The following GRAMD1B variants were observed in gnomAD, a reference collection of about 807,000 sequenced individuals.
The protein encoded by GRAMD1B is GRAM domain containing 1B.
Under a neutral mutation model 99.7 loss-of-function variants are expected in GRAMD1B, and 37 were observed. The ratio of observed to expected loss-of-function variants is 0.37; its 90% CI spans 0.29 to 0.49. The LOEUF (loss-of-function observed/expected upper bound fraction) is 0.49, where lower values mean the gene tolerates loss of function less well. Ranked by LOEUF, GRAMD1B falls within the 20% of genes least tolerant of loss-of-function variation. The pLI, the probability that GRAMD1B is intolerant of heterozygous loss-of-function variation, is 0.98. For missense variants in GRAMD1B, 888 were observed against 1,009.2 expected (o/e 0.88, Z 1.63); for synonymous variants, 427 against 387.6 (o/e 1.10, Z -1.19).
At chr11:123,605,630 G>A (rs1365788564) in intron 10 of GRAMD1B, among the ~76,000 whole-genome samples, 152 bp downstream of exon 10, 1 of 152,204 alleles carries the variant, frequency 6.6e-6, no homozygotes, top group East Asian at 1.9e-4. Context: ...GAGCAGATGG[G>A]CTCTCCGTAT....
At chr11:123,526,054 T>G in intron 2 of GRAMD1B, 3 of 1,050,808 alleles carry the variant, frequency 2.9e-6, no homozygotes, top group Non-Finnish European at 4.4e-6. Flanking sequence ...TCTGTTCTTT[T>G]GGGACTTCGT....
chr11:123,460,609 G>GA (rs1166404424), intron 1 of GRAMD1B, among the ~76,000 whole-genome samples: 1 of 152,132 alleles, frequency 6.6e-6, no homozygotes, highest in Non-Finnish European at 1.5e-5. Flanking sequence ...CTTCCAATTG[G>GA]AAAAAACAAG....
intron 4 of GRAMD1B, 71 bp downstream of exon 4, chr11:123,584,403 G>GTGTGGGGTGCGATTGGGGGA (rs1249759554): frequency 2.1e-6 from 1 of 473,434 alleles, no homozygotes; most frequent in Non-Finnish European, 3.6e-6. Flanking sequence ...TGGGGGAAGG[G>GTGTGGGGTGCGATTGGGGGA]GTGTGGGGTG....
chr11:123,608,530 G>C, intron 11 of GRAMD1B, 129 bp from the exon 12 acceptor site: 1 of 1,542,922 alleles, frequency 6.5e-7, no homozygotes, highest in Non-Finnish European at 8.7e-7. Flanking sequence ...GTCCTGCTCC[G>C]TGTCCTCTCC....
chr11:123,589,248 G>T (rs1950378021), intron 4 of GRAMD1B, among the ~76,000 whole-genome samples: 3 of 151,796 alleles, frequency 2.0e-5, no homozygotes, highest in African/African-American at 7.3e-5. Flanking sequence ...TTGAGGCATA[G>T]ATCCTTCCTG....
At chr11:123,618,414 T>C in intron 17 of GRAMD1B, 2 of 1,528,242 alleles carry the variant, frequency 1.3e-6, no homozygotes, top group Non-Finnish European at 1.8e-6. Flanking sequence ...CCACCGTACC[T>C]CTCTTCCCCC....
intron 2 of GRAMD1B, among the ~76,000 whole-genome samples, chr11:123,504,220 G>A (rs1565306672): frequency 6.6e-6 from 1 of 152,144 alleles, no homozygotes; most frequent in Non-Finnish European, 1.5e-5. Flanking sequence ...ACTGGTCCCC[G>A]CCAAGGCCCT....
chr11:123,597,744 G>A (rs1411172439), intron 7 of GRAMD1B, among the ~76,000 whole-genome samples: 1 of 152,156 alleles, frequency 6.6e-6, no homozygotes, highest in Admixed American at 6.5e-5. Context: ...TTATTTTCTT[G>A]CAGAATCTTT....
chr11:123,466,362 G>A (rs1950663567), intron 1 of GRAMD1B, among the ~76,000 whole-genome samples: 2 of 65,092 alleles, frequency 3.1e-5, no homozygotes, highest in Non-Finnish European at 5.1e-5. Context: ...AAGAAGGAAG[G>A]AAGGAAAAAG....
intron 1 of GRAMD1B, among the ~76,000 whole-genome samples, chr11:123,472,722 C>T (rs1338110632): frequency 1.3e-5 from 2 of 152,166 alleles, no homozygotes; most frequent in Admixed American, 6.5e-5. Context: ...GTGACGTTTA[C>T]ATAGCCCAGG....
intron 3 of GRAMD1B, among the ~76,000 whole-genome samples, chr11:123,580,863 C>T (rs1015185398): frequency 9.9e-5 from 15 of 151,756 alleles, no homozygotes; most frequent in Non-Finnish European, 2.2e-4. Context: ...GTGCGGGCAT[C>T]GCGCTGGCGC....
chr11:123,608,393 C>A, intron 11 of GRAMD1B: 1 of 1,034,722 alleles, frequency 9.7e-7, no homozygotes. Context: ...AGTGTAAAAG[C>A]AAATCGTACA....
chr11:123,523,293 C>T (rs755619931), intron 2 of GRAMD1B, among the ~76,000 whole-genome samples: 3 of 152,200 alleles, frequency 2.0e-5, no homozygotes, highest in South Asian at 2.1e-4. Flanking sequence ...GATTGCACCA[C>T]GGCACTCCAG....
At chr11:123,384,287 C>T (rs1391397990) in intron 1 of GRAMD1B, among the ~76,000 whole-genome samples, 2 of 152,218 alleles carry the variant, frequency 1.3e-5, no homozygotes, top group African/African-American at 4.8e-5. Flanking sequence ...AAAATGATCT[C>T]AGCAGTCTCT....
chr11:123,423,867 T>C (rs1948549582), intron 1 of GRAMD1B, among the ~76,000 whole-genome samples: 1 of 152,052 alleles, frequency 6.6e-6, no homozygotes, highest in Non-Finnish European at 1.5e-5. Flanking sequence ...TTTCTCAGAG[T>C]TGTTGCAAGA....
chr11:123,554,525 CA>C (rs750680684), intron 2 of GRAMD1B, among the ~76,000 whole-genome samples: 2,644 of 86,518 alleles, frequency 0.031, 69 homozygotes, highest in South Asian at 0.095. Context: ...CCCATCTTTA[CA>C]AAAAAAAAAA....
At chr11:123,383,632 AT>A (rs1946960691) in intron 1 of GRAMD1B, among the ~76,000 whole-genome samples, 3 of 151,810 alleles carry the variant, frequency 2.0e-5, no homozygotes, top group Admixed American at 1.3e-4. Context: ...TGCTTCACGA[AT>A]TCCTTCTTCT....
intron 7 of GRAMD1B, chr11:123,597,928 C>A: frequency 2.8e-6 from 3 of 1,062,922 alleles, no homozygotes; most frequent in South Asian, 2.5e-5. Flanking sequence ...CAAAGCTGAG[C>A]TACATCCCTG....
At chr11:123,444,943 A>G (rs948150380) in intron 1 of GRAMD1B, among the ~76,000 whole-genome samples, 1 of 152,130 alleles carries the variant, frequency 6.6e-6, no homozygotes, top group Non-Finnish European at 1.5e-5. Flanking sequence ...GAGGCTCCCC[A>G]GGGGCTGTAT....
Sources: gnomAD v4.1 joint callset for allele counts (sites outside exome capture counted in the v4.1 genomes callset) on GRCh38, gnomAD v4.1.1 for gene constraint, MANE v1.5 for transcripts, NCBI Gene and HGNC (gene_info 2026-07-23, HGNC 2026-07-21) for gene names.